PHIP: variants seen among roughly 807,000 people sequenced by gnomAD.
PHIP encodes the protein PH-interacting protein.
A neutral mutation model predicts 236.8 loss-of-function variants in PHIP; 54 were observed. The observed-to-expected ratio is 0.23, with a 90% CI of 0.18 to 0.29. PHIP has a LOEUF of 0.29. Ranked by LOEUF, PHIP falls within the 10% of genes least tolerant of loss-of-function variation. The probability of loss-of-function intolerance (pLI) is 1.00; values close to 1 mark genes in which losing one functional copy is unlikely to be tolerated. For missense variants in PHIP, 1,370 were observed against 2,190.8 expected, an observed-to-expected ratio of 0.63 and a Z score of 7.48; for synonymous variants, 756 against 718.9, an observed-to-expected ratio of 1.05 and a Z score of -0.83.
intron 15 of PHIP, 74 bp downstream of exon 15, chr6:79,015,008 G>T (rs1770772897): frequency 1.7e-6 from 2 of 1,193,632 alleles, no homozygotes; most frequent in African/African-American, 1.5e-5. Flanking sequence ...GATTTCCTTT[G>T]TGACATGCAG....
At chr6:78,954,467 T>TCTC (rs1282836324) in intron 35 of PHIP, among the ~76,000 whole-genome samples, 2 of 152,186 alleles carry the variant, frequency 1.3e-5, no homozygotes, top group Non-Finnish European at 2.9e-5. Context: ...GTAGGCATTA[T>TCTC]TCTTTTTTTC....
At chr6:78,996,129 A>T (rs1769600081) in intron 19 of PHIP, among the ~76,000 whole-genome samples, 1 of 152,134 alleles carries the variant, frequency 6.6e-6, no homozygotes, top group African/African-American at 2.4e-5. Flanking sequence ...ATTCCTCTCC[A>T]GAGGAGGAGT....
At chr6:79,003,033 C>A (rs1237534279) in intron 16 of PHIP, among the ~76,000 whole-genome samples, 1 of 152,012 alleles carries the variant, frequency 6.6e-6, no homozygotes, top group Non-Finnish European at 1.5e-5. Flanking sequence ...TATTTACTAT[C>A]ATAACCTTTT....
chr6:78,935,678 T>C lies in PHIP; in HGVS notation c.*5015A>G. The C allele has an allele frequency of 1.0e-6, 1 of 984,678 alleles. No individual in the cohort carries two copies. The highest frequency in any genetic ancestry group is 1.2e-6 in the Non-Finnish European group (1 of 829,274). The allele number at this position is 984,678 out of a possible 1,614,324, so 61.0% of individuals were successfully genotyped here. On this transcript the variant is annotated 3_prime_UTR_variant, in exon 40 of 40. Coordinates refer to ENST00000275034, the MANE Select transcript of PHIP (RefSeq NM_017934.7). Reference sequence around the variant, plus strand: ...ATTACATTTCGGCACCCAAATATCTTTTAACTGACAGTTTTCACACTTTGC... The same window carrying C: ...ATTACATTTCGGCACCCAAATATCTCTTAACTGACAGTTTTCACACTTTGC...
At chr6:79,041,758 G>A (rs1442021332) in intron 7 of PHIP, among the ~76,000 whole-genome samples, 4 of 152,020 alleles carry the variant, frequency 2.6e-5, no homozygotes, top group Non-Finnish European at 2.9e-5. Flanking sequence ...TGATACAAGA[G>A]AACGTAAAAA....
At chr6:78,996,916 G>C (rs1391782135) in intron 19 of PHIP, among the ~76,000 whole-genome samples, 2 of 151,628 alleles carry the variant, frequency 1.3e-5, no homozygotes. Context: ...TGGTCTAAGA[G>C]AATAGAATTT....
At chr6:79,022,981 A>G (rs756564833) in intron 9 of PHIP, among the ~76,000 whole-genome samples, 3 of 152,248 alleles carry the variant, frequency 2.0e-5, no homozygotes, top group Non-Finnish European at 4.4e-5. Context: ...GTATAAATCT[A>G]TATCCTGCCA....
At chr6:79,062,590 C>T (rs1397388631) in intron 4 of PHIP, among the ~76,000 whole-genome samples, 3 of 152,040 alleles carry the variant, frequency 2.0e-5, no homozygotes, top group Admixed American at 1.3e-4. Context: ...GTTTTAGTAT[C>T]CTCTGGCAAA....
rs1440842622 is a variant in PHIP at position 78,940,278 on chromosome 6, C to G, written c.*415G>C. On this transcript the variant is annotated 3_prime_UTR_variant, in exon 40 of 40. Coordinates refer to ENST00000275034, the MANE Select transcript of PHIP (RefSeq NM_017934.7). ...GACTTGTATCAATAGAAATGTACCT[C>G]ACTTGGTCAAAAATAATTCATTTTA... 2 of 151,848 alleles carry G rather than the reference C, an allele frequency of 1.3e-5. No individual in the cohort carries two copies. The highest frequency in any genetic ancestry group is 3.9e-4 in the East Asian group (2 of 5,188). 9.4% of individuals were successfully genotyped at this position (151,848 alleles called of 1,614,324 possible). A position where few individuals can be genotyped will look rare whatever the true frequency, so the allele number is the denominator to read the frequency against.
rs139692087 is a variant in PHIP, at chr6:79,043,308, G to A, written c.440-305C>T. On this transcript the variant is annotated intron_variant, in intron 6 of 39. Coordinates refer to ENST00000275034, the MANE Select transcript of PHIP (RefSeq NM_017934.7). ...CTCAGATTTATTTACTCTCTGGCTA[G>A]TGCTCTTTAAAAACCTAAAGCATTT... Among the ~76,000 whole-genome samples, 97 of 152,054 alleles carry A rather than the reference G, an allele frequency of 6.4e-4. 1 individual carries two copies. In the South Asian group the frequency reaches 8.1e-3, roughly 13 times the overall value.
Position 78,950,381 on chromosome 6 carries a change from T to C in PHIP, c.4054-2606A>G, listed in dbSNP as rs561354014. On this transcript the variant is annotated intron_variant, in intron 35 of 39. Transcript: ENST00000275034. ...GTCTTCATAGAGTGAGTTGGGAATT[T>C]TGAGTTTTTCTATCTTCTGGAAGAG... Among the ~76,000 whole-genome samples the C allele has an allele frequency of 1.5e-3, 228 of 152,328 alleles. 1 individual carries two copies. The highest frequency in any genetic ancestry group is 4.9e-3 in the African/African-American group (202 of 41,578).
intron 35 of PHIP, among the ~76,000 whole-genome samples, chr6:78,952,617 T>G (rs1281679665): frequency 2.0e-5 from 3 of 152,092 alleles, no homozygotes; most frequent in Non-Finnish European, 4.4e-5. Context: ...TATCATTCTG[T>G]GTGGGATTCT....
In PHIP at chr6:78,946,715, A is replaced by G. The variant is rs755172378; in HGVS notation, c.4366T>C (p.Ser1456Pro). ...TATTTAAAAGAAATTAAATACCTTG[A>G]TGCAGCACTACTGGAAACAGAGCTG... Reference protein sequence around the residue: ...RSSSVSSSAASSPERKKRILK... With the variant: ...RSSSVSSSAAPSPERKKRILK... The change falls in exon 37 of 40, where the codon TCA becomes CCA. Residue 1456 changes from serine (S) to proline (P), a missense_variant. Physicochemically the swap from Ser to Pro is moderately conservative, Grantham distance 74 (BLOSUM62 -1). Coordinates refer to ENST00000275034, the MANE Select transcript of PHIP (RefSeq NM_017934.7). 6.4e-7 allele frequency: 1 copy of G among 1,559,598 alleles called. No individual in the cohort carries two copies. Among genetic ancestry groups the G allele is most frequent in the Admixed American group, 2.3e-5 (1 of 44,334 alleles).
chr6:79,054,996 A>G (rs1773000629), intron 6 of PHIP, among the ~76,000 whole-genome samples: 1 of 151,530 alleles, frequency 6.6e-6, no homozygotes, highest in Non-Finnish European at 1.5e-5. Flanking sequence ...ATGTCTGGGT[A>G]GTGAAGCTAC....
At chr6:79,022,540 T>G (rs1353536713) in intron 9 of PHIP, among the ~76,000 whole-genome samples, 1 of 152,188 alleles carries the variant, frequency 6.6e-6, no homozygotes, top group Non-Finnish European at 1.5e-5. Context: ...CAAAGGGTTG[T>G]TATAGGGATT....
rs1770799011 is a variant in PHIP at position 79,015,617 on chromosome 6, A to T, written c.1389+13T>A. 1.3e-6 allele frequency: 2 copies of T among 1,573,186 alleles called. No homozygotes were observed. The highest frequency in any genetic ancestry group is 1.7e-6 in the Non-Finnish European group (2 of 1,154,754). ...TTCAGTTATATCAAATAAAGATTAGAATTTTTTCTCACCATCAGGACATGA... is the reference window on the plus strand; with the variant it reads ...TTCAGTTATATCAAATAAAGATTAGTATTTTTTCTCACCATCAGGACATGA... On this transcript the variant is annotated intron_variant, in intron 14 of 39. Transcript: ENST00000275034.
In PHIP at chr6:79,003,666, C is replaced by CAA; in HGVS notation, c.1653+63_1653+64insTT. The CAA allele has an allele frequency of 2.5e-6, 3 of 1,185,914 alleles. No homozygotes were observed. The South Asian group carries it at 5.6e-5, about 22-fold the overall frequency. 73.5% of individuals were successfully genotyped at this position (1,185,914 alleles called of 1,614,324 possible). A position where few individuals can be genotyped will look rare whatever the true frequency, so the allele number is the denominator to read the frequency against. On this transcript the variant is annotated intron_variant, in intron 16 of 39. Transcript: ENST00000275034. ...TGCTGATTCTCACCCACTCCAAAAA[C>CAA]ATACAACCCCTAAACATGCATTAAA...
rs1366148874 is a variant in PHIP, at chr6:79,078,150, G to T, written c.-82C>A. ...GGACGGTGCCGCCGCCTGCCCTATA[G>T]CTGTCAGTGTGTGTTCACGAGCCGA... On this transcript the variant is annotated 5_prime_UTR_variant, in exon 1 of 40. Transcript: ENST00000275034. 1 of 1,403,124 alleles carries T rather than the reference G, an allele frequency of 7.1e-7. No homozygotes were observed. Among genetic ancestry groups the T allele is most frequent in the Non-Finnish European group, 9.9e-7 (1 of 1,005,912 alleles). 86.9% of individuals were successfully genotyped at this position (1,403,124 alleles called of 1,614,324 possible).
rs185092713 is a variant in PHIP, at chr6:79,069,860, A to G, written c.189+7588T>C. 4.2e-3 allele frequency among the ~76,000 whole-genome samples: 646 copies of G among 152,204 alleles called. 13 individuals carry two copies. The South Asian group carries it at 0.071, about 17-fold the overall frequency. On this transcript the variant is annotated intron_variant, in intron 4 of 39. Transcript: ENST00000275034. Reference sequence around the variant, plus strand: ...ATTGTGAATAAACAAGCTTCAAAGAATATGTCATATTCAGAATTTACTTAA... The same window carrying G: ...ATTGTGAATAAACAAGCTTCAAAGAGTATGTCATATTCAGAATTTACTTAA...
Sources: gnomAD v4.1 joint callset for allele counts (sites outside exome capture counted in the v4.1 genomes callset) on GRCh38, gnomAD v4.1.1 for gene constraint, MANE v1.5 for transcripts, NCBI Gene and HGNC (gene_info 2026-07-23, HGNC 2026-07-21) for gene names.